Variants in CTNNA3 observed in about 807,000 individuals in gnomAD.
CTNNA3 encodes the protein catenin alpha-3.
In CTNNA3, 76 loss-of-function variants were observed where a neutral mutation model predicts 95.7. The ratio of observed to expected loss-of-function variants is 0.79; its 90% confidence interval spans 0.66 to 0.96. The LOEUF is 0.96. CTNNA3 is among the 40% of genes least tolerant of loss of function. The pLI is 0.00. For missense variants in CTNNA3, 1,191 were observed against 1,089.8 expected (o/e 1.09, Z -1.31); for synonymous variants, 431 against 374.4 (o/e 1.15, Z -1.74).
At chr10:66,120,978 G>T (rs1254080347) in intron 13 of CTNNA3, among the ~76,000 whole-genome samples, 1 of 152,114 alleles carries the variant, frequency 6.6e-6, no homozygotes, top group African/African-American at 2.4e-5. Flanking sequence ...AGGTGCGAAG[G>T]CCAATGGTTT....
At chr10:66,142,247 C>A (rs2083656715) in intron 13 of CTNNA3, among the ~76,000 whole-genome samples, 1 of 152,132 alleles carries the variant, frequency 6.6e-6, no homozygotes. Flanking sequence ...TGCTCCAAAA[C>A]CATTTGTTGA....
At position 67,616,634 on chromosome 10, in the gene CTNNA3, G is replaced by A. The variant is rs570026727; in HGVS notation, c.100-9585C>T. 3.9e-5 allele frequency among the ~76,000 whole-genome samples: 6 copies of A among 152,288 alleles called. No individual in the cohort carries two copies. In the South Asian group the frequency reaches 1.2e-3, roughly 32 times the overall value. On this transcript the variant is annotated intron_variant, in intron 2 of 17. Coordinates refer to ENST00000433211, the MANE Select transcript of CTNNA3 (RefSeq NM_013266.4). ...GGCCTGAGCAGCTGAGTAAATGGAG[G>A]TAATATTTACTAGTTGAGGAAAGTA...
chr10:66,588,586 G>A (rs529769279), intron 10 of CTNNA3, among the ~76,000 whole-genome samples: 26 of 152,212 alleles, frequency 1.7e-4, no homozygotes. Flanking sequence ...CTGTTAGTCT[G>A]ATAGGTTTTC....
chr10:66,802,994 T>C (rs1218525193), intron 7 of CTNNA3, among the ~76,000 whole-genome samples: 1 of 151,962 alleles, frequency 6.6e-6, no homozygotes, highest in East Asian at 1.9e-4. Context: ...CCCAGTGAAC[T>C]TAATGGTATA....
intron 15 of CTNNA3, among the ~76,000 whole-genome samples, chr10:66,019,952 T>C (rs1409865460): frequency 6.6e-6 from 1 of 152,208 alleles, no homozygotes; most frequent in Non-Finnish European, 1.5e-5. Context: ...GACCAACTTA[T>C]TTACCTCAGA....
At chr10:67,252,038 T>C (rs757095669) in intron 5 of CTNNA3, among the ~76,000 whole-genome samples, 43 of 152,082 alleles carry the variant, frequency 2.8e-4, no homozygotes, top group Middle Eastern at 3.4e-3. Flanking sequence ...GGTGAAACTC[T>C]GTCTCTACCA....
At chr10:67,555,568 T>G (rs1841210137) in intron 3 of CTNNA3, among the ~76,000 whole-genome samples, 1 of 152,220 alleles carries the variant, frequency 6.6e-6, no homozygotes, top group South Asian at 2.1e-4. Context: ...CTGTTATTGG[T>G]ATATAGGAAT....
chr10:66,073,108 C>T (rs893491989), intron 14 of CTNNA3, among the ~76,000 whole-genome samples: 2 of 151,960 alleles, frequency 1.3e-5, no homozygotes, highest in Non-Finnish European at 2.9e-5. Context: ...GTAGGGGTTA[C>T]CAGGAGCTGG....
chr10:66,112,198 G>C (rs540436635), intron 13 of CTNNA3, among the ~76,000 whole-genome samples: 1 of 152,188 alleles, frequency 6.6e-6, no homozygotes, highest in East Asian at 1.9e-4. Context: ...CCACCAGAGG[G>C]AGAAGGCATC....
intron 11 of CTNNA3, among the ~76,000 whole-genome samples, chr10:66,445,233 A>G (rs1225540987): frequency 6.6e-6 from 1 of 152,022 alleles, no homozygotes; most frequent in Admixed American, 6.6e-5. Flanking sequence ...GGAGACATTA[A>G]CACCCCACTG....
chr10:66,706,703 T>C (rs575343406), intron 9 of CTNNA3, among the ~76,000 whole-genome samples: 2 of 152,184 alleles, frequency 1.3e-5, no homozygotes, highest in Admixed American at 6.6e-5. Flanking sequence ...TAAAAATTAA[T>C]ACTGAATTAT....
At chr10:66,817,416 G>C (rs1005687815) in intron 7 of CTNNA3, among the ~76,000 whole-genome samples, 2 of 151,884 alleles carry the variant, frequency 1.3e-5, no homozygotes, top group African/African-American at 4.8e-5. Flanking sequence ...CAAATTTCTA[G>C]TTAGACTGGC....
chr10:67,519,400 T>C (rs149732270), intron 5 of CTNNA3, among the ~76,000 whole-genome samples: 40 of 152,272 alleles, frequency 2.6e-4, no homozygotes, highest in South Asian at 6.2e-4. Flanking sequence ...GAATAAAATA[T>C]GTTAGGAGAA....
At chr10:66,644,472 T>C (rs934587342) in intron 9 of CTNNA3, among the ~76,000 whole-genome samples, 3 of 79,490 alleles carry the variant, frequency 3.8e-5, no homozygotes, top group Non-Finnish European at 6.8e-5. Flanking sequence ...TATATATATA[T>C]GTTTATATAT....
chr10:66,833,906 A>G (rs1331294127), intron 7 of CTNNA3, among the ~76,000 whole-genome samples: 1 of 152,170 alleles, frequency 6.6e-6, no homozygotes, highest in African/African-American at 2.4e-5. Context: ...TGAATACCTA[A>G]GAAGCTTTTA....
chr10:67,102,273 A>T (rs1022180174), intron 7 of CTNNA3, among the ~76,000 whole-genome samples: 8 of 151,890 alleles, frequency 5.3e-5, no homozygotes, highest in Non-Finnish European at 7.4e-5. Context: ...GGGTACCTGG[A>T]CAATCAACAA....
chr10:67,372,021 T>A (rs1308792965), intron 5 of CTNNA3, among the ~76,000 whole-genome samples: 2 of 151,330 alleles, frequency 1.3e-5, no homozygotes, highest in Non-Finnish European at 3.0e-5. Flanking sequence ...GCTGCATAAA[T>A]GTCTTCTTTT....
chr10:67,414,454 C>CA (rs1845477306), intron 5 of CTNNA3, among the ~76,000 whole-genome samples: 2 of 151,846 alleles, frequency 1.3e-5, no homozygotes, highest in South Asian at 2.1e-4. Context: ...ACCTACCAAG[C>CA]AAAAAAAGCC....
chr10:66,334,687 T>C (rs942498004), intron 12 of CTNNA3, among the ~76,000 whole-genome samples: 2 of 152,040 alleles, frequency 1.3e-5, no homozygotes, highest in African/African-American at 4.8e-5. Flanking sequence ...ATTTCAACTT[T>C]GGTGAATCTG....
Sources: gnomAD v4.1 joint callset for allele counts (sites outside exome capture counted in the v4.1 genomes callset) on GRCh38, gnomAD v4.1.1 for gene constraint, MANE v1.5 for transcripts, NCBI Gene and HGNC (gene_info 2026-07-23, HGNC 2026-07-21) for gene names.